PPP3CA: variants seen among roughly 807,000 people sequenced by gnomAD.
The protein encoded by PPP3CA is protein phosphatase 3 catalytic subunit alpha.
PPP3CA carries 14 observed loss-of-function variants against 66.5 expected under a neutral mutation model. The observed-to-expected ratio is 0.21, with a 90% CI of 0.14 to 0.33. PPP3CA has a LOEUF of 0.33. Ranked by LOEUF, PPP3CA falls within the 10% of genes least tolerant of loss-of-function variation. The probability of loss-of-function intolerance (pLI) is 1.00; values close to 1 mark genes in which losing one functional copy is unlikely to be tolerated. For synonymous variants in PPP3CA, 232 were observed against 226.2 expected (o/e 1.03, Z -0.23); for missense variants, 317 against 639.5 (o/e 0.50, Z 5.44).
intron 6 of PPP3CA, 64 bp downstream of exon 6, chr4:101,093,712 T>C: frequency 2.1e-6 from 3 of 1,439,460 alleles, no homozygotes; most frequent in East Asian, 2.4e-5. Flanking sequence ...ATCAAACACA[T>C]GGACTGATAA....
intron 1 of PPP3CA, among the ~76,000 whole-genome samples, chr4:101,271,201 T>TA (rs1484748077): frequency 1.3e-5 from 2 of 152,100 alleles, no homozygotes; most frequent in South Asian, 4.1e-4. Flanking sequence ...ACTTGATAAT[T>TA]AAAAAAGCAG....
chr4:101,196,473 A>G (rs1049140662), intron 1 of PPP3CA, among the ~76,000 whole-genome samples: 2 of 152,146 alleles, frequency 1.3e-5, no homozygotes, highest in African/African-American at 4.8e-5. Flanking sequence ...ACCATAACCA[A>G]CTTGTGCAAA....
chr4:101,243,656 T>C (rs1037782534), intron 1 of PPP3CA, among the ~76,000 whole-genome samples: 1 of 152,136 alleles, frequency 6.6e-6, no homozygotes, highest in Admixed American at 6.5e-5. Flanking sequence ...TACTACCCCA[T>C]TTTATATAAT....
At chr4:101,132,290 T>C (rs1228829697) in intron 2 of PPP3CA, among the ~76,000 whole-genome samples, 1 of 151,966 alleles carries the variant, frequency 6.6e-6, no homozygotes, top group African/African-American at 2.4e-5. Flanking sequence ...CAAAAAAACC[T>C]TCAAAAAAAT....
At chr4:101,030,143 T>C (rs573282352) in intron 12 of PPP3CA, among the ~76,000 whole-genome samples, 34 of 152,292 alleles carry the variant, frequency 2.2e-4, no homozygotes, top group African/African-American at 7.7e-4. Flanking sequence ...TATATGAGTC[T>C]TTCTATGTTA....
At chr4:101,228,866 T>C (rs1369684567) in intron 1 of PPP3CA, among the ~76,000 whole-genome samples, 1 of 151,674 alleles carries the variant, frequency 6.6e-6, no homozygotes, top group Non-Finnish European at 1.5e-5. Context: ...TCTACAAAGA[T>C]AACCTCCACC....
chr4:101,190,980 G>T (rs754667428), intron 2 of PPP3CA, among the ~76,000 whole-genome samples: 1 of 152,192 alleles, frequency 6.6e-6, no homozygotes, highest in Non-Finnish European at 1.5e-5. Context: ...CTACAATGCA[G>T]AAGTAGAATA....
chr4:101,057,562 T>C (rs1728279179), intron 10 of PPP3CA, among the ~76,000 whole-genome samples: 1 of 152,142 alleles, frequency 6.6e-6, no homozygotes, highest in Non-Finnish European at 1.5e-5. Flanking sequence ...TAAACTTGCA[T>C]CTAGAAAAGT....
intron 1 of PPP3CA, among the ~76,000 whole-genome samples, chr4:101,332,505 T>C (rs565438524): frequency 2.0e-5 from 3 of 152,136 alleles, no homozygotes; most frequent in East Asian, 1.9e-4. Context: ...CATGGAATGG[T>C]AGGGCCCCCC....
chr4:101,242,536 T>C (rs1726344830), intron 1 of PPP3CA, among the ~76,000 whole-genome samples: 1 of 151,072 alleles, frequency 6.6e-6, no homozygotes, highest in Admixed American at 6.6e-5. Context: ...TTGGTTTAAA[T>C]AAAAAAAAAG....
intron 2 of PPP3CA, among the ~76,000 whole-genome samples, chr4:101,137,121 A>T (rs1722648480): frequency 6.6e-6 from 1 of 152,160 alleles, no homozygotes; most frequent in Admixed American, 6.6e-5. Flanking sequence ...CCTTGACTGT[A>T]AGAGAGGTGT....
intron 1 of PPP3CA, among the ~76,000 whole-genome samples, chr4:101,301,269 A>G (rs1027826957): frequency 2.6e-5 from 4 of 151,754 alleles, no homozygotes; most frequent in Non-Finnish European, 5.9e-5. Flanking sequence ...ACAAAATTCA[A>G]TTGATTTAAT....
intron 1 of PPP3CA, among the ~76,000 whole-genome samples, chr4:101,307,533 A>C (rs575230356): frequency 1.3e-5 from 2 of 152,322 alleles, no homozygotes; most frequent in South Asian, 4.1e-4. Context: ...TCCCTAAAAA[A>C]GTTTTTGCTT....
chr4:101,061,205 A>T (rs1252826123), intron 9 of PPP3CA, 44 bp from the exon 10 acceptor site: 2 of 1,522,718 alleles, frequency 1.3e-6, no homozygotes, highest in East Asian at 4.5e-5. Flanking sequence ...GTTTTCTGTT[A>T]TAACCTTAAC....
chr4:101,033,025 T>C (rs115174737), intron 11 of PPP3CA, among the ~76,000 whole-genome samples: 1,765 of 152,216 alleles, frequency 0.012, 39 homozygotes, highest in African/African-American at 0.04. Context: ...AGCATGACAA[T>C]TGTTTTACAA....
intron 1 of PPP3CA, among the ~76,000 whole-genome samples, chr4:101,204,166 T>G (rs1725053872): frequency 6.6e-6 from 1 of 151,938 alleles, no homozygotes. Context: ...CCACCACACC[T>G]GACTAATTTT....
intron 10 of PPP3CA, among the ~76,000 whole-genome samples, chr4:101,041,363 T>A (rs769231502): frequency 2.0e-5 from 3 of 152,086 alleles, no homozygotes; most frequent in Admixed American, 1.3e-4. Flanking sequence ...ATGAGCCCAT[T>A]TTATTTTTTC....
intron 2 of PPP3CA, among the ~76,000 whole-genome samples, chr4:101,109,328 AAAAG>A (rs1475191918): frequency 4.0e-5 from 6 of 151,020 alleles, no homozygotes; most frequent in East Asian, 3.9e-4. Flanking sequence ...AAAAAAAAAA[AAAAG>A]AAGAGAATAA....
At chr4:101,270,747 C>T (rs1393668679) in intron 1 of PPP3CA, among the ~76,000 whole-genome samples, 1 of 151,972 alleles carries the variant, frequency 6.6e-6, no homozygotes, top group African/African-American at 2.4e-5. Flanking sequence ...TCCTTGATGC[C>T]CTACATAAGA....
Sources: allele counts gnomAD v4.1 joint callset (sites outside exome capture counted in the v4.1 genomes callset), GRCh38; gene constraint gnomAD v4.1.1; transcripts MANE v1.5; gene names NCBI Gene and HGNC (gene_info 2026-07-23, HGNC 2026-07-21).